Variants in FMO5 observed in about 807,000 individuals in gnomAD.
The protein encoded by FMO5 is flavin-containing monooxygenase 5.
A neutral mutation model predicts 43.6 loss-of-function variants in FMO5; 51 were observed. That is an observed-to-expected ratio of 1.17 (90% CI 0.93 to 1.48). FMO5 has a LOEUF of 1.48. Among genes scored for constraint, FMO5 ranks in the 40% most tolerant of loss-of-function variants. The pLI is 0.00. For synonymous variants in FMO5, 187 were observed against 216.5 expected (o/e 0.86, Z 1.20); for missense variants, 644 against 643.0 (o/e 1.00, Z -0.02).
chr1:147,188,763 T>C (rs1201751335), intron 8 of FMO5, among the ~76,000 whole-genome samples: 1 of 140,460 alleles, frequency 7.1e-6, no homozygotes, highest in Non-Finnish European at 1.6e-5. Context: ...TTTCAGAAGT[T>C]AAAAAAAAAA....
At chr1:147,225,246 A>C in intron 1 of FMO5, 41 bp downstream of exon 1, 1 of 1,315,530 alleles carries the variant, frequency 7.6e-7, no homozygotes, top group South Asian at 1.6e-5. Flanking sequence ...CGCCTGCAAG[A>C]CCCAGAGCTG....
At chr1:147,206,773 A>G (rs1408691565) in intron 6 of FMO5, among the ~76,000 whole-genome samples, 2 of 152,064 alleles carry the variant, frequency 1.3e-5, no homozygotes, top group African/African-American at 4.8e-5. Context: ...TGGGGTGGGA[A>G]GAGTGGGGAA....
At chr1:147,185,569 A>G (rs1356878450), downstream of FMO5, among the ~76,000 whole-genome samples, 5 of 152,204 alleles carry the variant, frequency 3.3e-5, no homozygotes, top group African/African-American at 7.2e-5. Flanking sequence ...AAATGTTTAA[A>G]TAAGAAGAAG....
chr1:147,213,688 T>C (rs1661459665), intron 3 of FMO5, among the ~76,000 whole-genome samples: 1 of 152,192 alleles, frequency 6.6e-6, no homozygotes, highest in Non-Finnish European at 1.5e-5. Flanking sequence ...GGCAGGCTAA[T>C]GTACCCTCCT....
chr1:147,208,703 T>G, intron 6 of FMO5, 149 bp downstream of exon 6: 2 of 609,136 alleles, frequency 3.3e-6, no homozygotes, highest in Non-Finnish European at 5.8e-6. Flanking sequence ...CCTCCCAGAG[T>G]GCTGGGATTA....
chr1:147,190,348 G>C, intron 7 of FMO5, 99 bp from the exon 8 acceptor site: 1 of 753,834 alleles, frequency 1.3e-6, no homozygotes, highest in Non-Finnish European at 2.2e-6. Context: ...AAGAAATACA[G>C]GGTAAGTTTC....
chr1:147,194,066 A>G (rs1453721238), intron 7 of FMO5, among the ~76,000 whole-genome samples: 1 of 152,014 alleles, frequency 6.6e-6, no homozygotes, highest in Non-Finnish European at 1.5e-5. Flanking sequence ...TATCCTTGTT[A>G]ACCTTCTGTC....
intron 6 of FMO5, among the ~76,000 whole-genome samples, chr1:147,201,793 G>T (rs1483731591): frequency 6.6e-6 from 1 of 152,142 alleles, no homozygotes; most frequent in Non-Finnish European, 1.5e-5. Context: ...TTCTGTGTGT[G>T]ATATGATAAG....
Position 147,187,007 on chromosome 1 carries a change from G to A in FMO5, c.1495C>T (p.Leu499=), listed in dbSNP as rs1655735030. 6.2e-7 allele frequency: 1 copy of A among 1,614,080 alleles called. No homozygotes were observed. Among genetic ancestry groups the A allele is most frequent in the Non-Finnish European group, 8.5e-7 (1 of 1,180,046 alleles). ...LTTDDRIRKP[L]MTRVVERSSS... Reference sequence around the variant, plus strand: ...CTCCTTTCAACTACTCTTGTCATCAGAGGCTTCCTGATGCGATCATCTGTG... The same window carrying A: ...CTCCTTTCAACTACTCTTGTCATCAAAGGCTTCCTGATGCGATCATCTGTG... Residue 499 remains leucine (L), a synonymous_variant, in exon 9 of 9, where the codon CTG becomes TTG. Coordinates refer to ENST00000254090, the MANE Select transcript of FMO5 (RefSeq NM_001461.4).
downstream of FMO5, among the ~76,000 whole-genome samples, chr1:147,185,074 G>C (rs973043550): frequency 1.3e-5 from 2 of 152,038 alleles, no homozygotes; most frequent in Admixed American, 6.6e-5. Context: ...AATATTATTA[G>C]ACATTATCAG....
At chr1:147,205,797 T>TA (rs1374532833) in intron 6 of FMO5, among the ~76,000 whole-genome samples, 1 of 152,010 alleles carries the variant, frequency 6.6e-6, no homozygotes, top group African/African-American at 2.4e-5. Context: ...ATGTTAGACC[T>TA]AAAACCATAA....
intron 7 of FMO5, among the ~76,000 whole-genome samples, chr1:147,190,500 C>T (rs1475334862): frequency 2.6e-5 from 4 of 152,050 alleles, no homozygotes; most frequent in Non-Finnish European, 4.4e-5. Flanking sequence ...ATACCTGCCT[C>T]CTCCCTAATG....
At position 147,225,051 on chromosome 1, in the gene FMO5, G is replaced by T. The variant is rs782355118; in HGVS notation, c.-22C>A. The T allele has an allele frequency of 4.3e-6, 7 of 1,614,034 alleles. No homozygotes were observed. In the South Asian group the frequency reaches 7.7e-5, roughly 18 times the overall value. ...TCATGGTCTCCCGAGATCTTCACCTGTTAGTGTCGCCTGTCCTAAAGAAAG... is the reference window on the plus strand; with the variant it reads ...TCATGGTCTCCCGAGATCTTCACCTTTTAGTGTCGCCTGTCCTAAAGAAAG... On this transcript the variant is annotated 5_prime_UTR_variant, in exon 2 of 9. Coordinates refer to ENST00000254090, the MANE Select transcript of FMO5 (RefSeq NM_001461.4).
chr1:147,216,760 T>C (rs1313202704), intron 2 of FMO5, among the ~76,000 whole-genome samples: 4 of 150,270 alleles, frequency 2.7e-5, no homozygotes, highest in Admixed American at 6.6e-5. Flanking sequence ...CCTTGAGAGA[T>C]TGTGTTAGAA....
intron 2 of FMO5, chr1:147,224,096 T>A (rs1553926946): frequency 5.4e-6 from 2 of 370,690 alleles, no homozygotes; most frequent in African/African-American, 4.3e-5. Flanking sequence ...GGTCCCTTAC[T>A]GCATTATCAA....
intron 7 of FMO5, among the ~76,000 whole-genome samples, chr1:147,200,035 A>G (rs1409698392): frequency 6.6e-6 from 1 of 151,798 alleles, no homozygotes; most frequent in Non-Finnish European, 1.5e-5. Flanking sequence ...GCTTGAATCT[A>G]CTCCATACCT....
Position 147,186,742 on chromosome 1 carries a change from G to C in FMO5, c.*158C>G, listed in dbSNP as rs1278301617. 1 of 1,435,986 alleles carries C rather than the reference G, an allele frequency of 7.0e-7. No individual in the cohort carries two copies. Among genetic ancestry groups the C allele is most frequent in the Non-Finnish European group, 9.1e-7 (1 of 1,101,142 alleles). 89.0% of individuals were successfully genotyped at this position (1,435,986 alleles called of 1,614,324 possible). A position where few individuals can be genotyped will look rare whatever the true frequency, so the allele number is the denominator to read the frequency against. ...ATGAGTTAATACAAATGGAAAACAG[G>C]TTTCATTGTAGGAAAAAGGAAAGTG... is the stretch of plus-strand genomic sequence containing the variant. On this transcript the variant is annotated 3_prime_UTR_variant, in exon 9 of 9. Coordinates refer to ENST00000254090, the MANE Select transcript of FMO5 (RefSeq NM_001461.4).
At chr1:147,221,114 C>CCT (rs150193100) in intron 2 of FMO5, among the ~76,000 whole-genome samples, 21,776 of 151,804 alleles carry the variant, frequency 0.14, 1,538 homozygotes, top group South Asian at 0.18. Context: ...ATACCTGGCC[C>CCT]CAAAACTATC....
At chr1:147,220,812 G>A (rs1014484249) in intron 2 of FMO5, among the ~76,000 whole-genome samples, 4 of 151,664 alleles carry the variant, frequency 2.6e-5, no homozygotes, top group Non-Finnish European at 5.9e-5. Flanking sequence ...ATGTACCCCC[G>A]AACCTAAAAT....
Sources: gnomAD v4.1 joint callset for allele counts (sites outside exome capture counted in the v4.1 genomes callset) on GRCh38, gnomAD v4.1.1 for gene constraint, MANE v1.5 for transcripts, NCBI Gene and HGNC (gene_info 2026-07-23, HGNC 2026-07-21) for gene names.